CUL5: variants seen among roughly 807,000 people sequenced by gnomAD.
CUL5 encodes the protein cullin 5, also known as cullin-5.
A neutral mutation model predicts 108.8 loss-of-function variants in CUL5; 26 were observed. That is an observed-to-expected ratio of 0.24 (90% CI 0.18 to 0.33). CUL5 has a LOEUF of 0.33. Among genes scored for constraint, CUL5 ranks in the 10% least tolerant of loss-of-function variants. The pLI is 1.00. For missense variants in CUL5, 524 were observed against 909.2 expected (o/e 0.58, Z 5.45); for synonymous variants, 334 against 298.0 (o/e 1.12, Z -1.25).
Position 108,094,484 on chromosome 11 carries a change from A to G in CUL5, c.1537A>G (p.Met513Val). ...SEDLNQAFKEMHKNNKLALPA... is the reference protein window; with the variant it reads ...SEDLNQAFKEVHKNNKLALPA... ...AGATTTGAACCAAGCTTTTAAGGAA[A>G]TGCACAAAAATAATAAATTGGCATT... The change falls in exon 14 of 19, where the codon ATG becomes GTG. Residue 513 changes from methionine (M) to valine (V), a missense_variant. By Grantham distance (21) the Met-to-Val change is conservative. Coordinates refer to ENST00000393094, the MANE Select transcript of CUL5 (RefSeq NM_003478.6). The G allele has an allele frequency of 6.7e-7, 1 of 1,490,286 alleles. No homozygotes were observed. Among genetic ancestry groups the G allele is most frequent in the Non-Finnish European group, 9.2e-7 (1 of 1,084,666 alleles). The allele number at this position is 1,490,286 out of a possible 1,614,324, so 92.3% of individuals were successfully genotyped here. A position where few individuals can be genotyped will look rare whatever the true frequency, so the allele number is the denominator to read the frequency against.
chr11:108,097,988 C>T (rs1472256687), intron 17 of CUL5, among the ~76,000 whole-genome samples: 2 of 152,036 alleles, frequency 1.3e-5, no homozygotes, highest in Admixed American at 6.6e-5. Flanking sequence ...TTTCATCTTT[C>T]AGGTTGATAT....
Position 108,009,274 on chromosome 11 carries a change from C to G in CUL5, c.-75C>G, listed in dbSNP as rs1211125739. 5.7e-6 allele frequency: 9 copies of G among 1,566,004 alleles called. No individual in the cohort carries two copies. Among genetic ancestry groups the G allele is most frequent in the Non-Finnish European group, 7.9e-6 (9 of 1,140,978 alleles). On this transcript the variant is annotated 5_prime_UTR_variant, in exon 1 of 19. Transcript: ENST00000393094. ...CGGGCCCTGGGCCCTGGTGGGAGCT[C>G]CGGCCTCCGGTCAAGGCCTGGCCGG...
intron 1 of CUL5, among the ~76,000 whole-genome samples, chr11:108,025,678 T>C (rs1457423986): frequency 6.6e-6 from 1 of 152,136 alleles, no homozygotes; most frequent in African/African-American, 2.4e-5. Context: ...TCCTTCCTAA[T>C]GGTTCTTTCC....
intron 1 of CUL5, among the ~76,000 whole-genome samples, chr11:108,013,375 A>G (rs1403777555): frequency 1.3e-5 from 2 of 152,216 alleles, no homozygotes; most frequent in African/African-American, 4.8e-5. Flanking sequence ...ATCAAAATGC[A>G]GTTCTCACCA....
At chr11:108,067,421 A>G (rs778159542) in intron 7 of CUL5, among the ~76,000 whole-genome samples, 1 of 152,166 alleles carries the variant, frequency 6.6e-6, no homozygotes, top group African/African-American at 2.4e-5. Flanking sequence ...AATACATTTT[A>G]TATTGTGGCT....
intron 7 of CUL5, among the ~76,000 whole-genome samples, chr11:108,069,875 TAAAG>T (rs1863778926): frequency 6.6e-6 from 1 of 152,226 alleles, no homozygotes; most frequent in Non-Finnish European, 1.5e-5. Flanking sequence ...TTAAAATTTC[TAAAG>T]AGAGTCTAGT....
intron 2 of CUL5, among the ~76,000 whole-genome samples, chr11:108,036,081 A>G (rs1862736120): frequency 6.6e-6 from 1 of 152,208 alleles, no homozygotes; most frequent in African/African-American, 2.4e-5. Context: ...GAAAATCATC[A>G]GCTTCTAAGG....
intron 10 of CUL5, among the ~76,000 whole-genome samples, chr11:108,075,989 A>T (rs764103646): frequency 2.6e-5 from 4 of 152,128 alleles, no homozygotes; most frequent in African/African-American, 9.7e-5. Flanking sequence ...TCTACTTAGC[A>T]TGAATCCAAT....
chr11:108,082,903 A>G (rs1800660378), intron 11 of CUL5, among the ~76,000 whole-genome samples: 1 of 151,496 alleles, frequency 6.6e-6, no homozygotes, highest in African/African-American at 2.4e-5. Flanking sequence ...CCAGAATTAC[A>G]GGCATGAGCT....
chr11:108,051,783 A>G (rs11212496), intron 4 of CUL5, among the ~76,000 whole-genome samples: 3,771 of 152,282 alleles, frequency 0.025, 164 homozygotes, highest in African/African-American at 0.086. Context: ...AAACACACCA[A>G]TATATCTGAA....
intron 11 of CUL5, among the ~76,000 whole-genome samples, chr11:108,078,476 C>T (rs1489376618): frequency 6.6e-6 from 1 of 151,900 alleles, no homozygotes; most frequent in Admixed American, 6.6e-5. Flanking sequence ...TTTAGGATCT[C>T]TACTTGTTTT....
intron 18 of CUL5, among the ~76,000 whole-genome samples, chr11:108,100,768 C>T (rs571592942): frequency 2.0e-5 from 3 of 152,266 alleles, no homozygotes; most frequent in East Asian, 1.9e-4. Flanking sequence ...CGGTGGCTCA[C>T]GCCTGTAATC....
chr11:108,061,080 C>T (rs777673024), intron 7 of CUL5, among the ~76,000 whole-genome samples: 4 of 152,142 alleles, frequency 2.6e-5, no homozygotes, highest in Non-Finnish European at 5.9e-5. Flanking sequence ...AAGTTGTGCT[C>T]ATCTCAGGCA....
At chr11:108,102,255 C>T (rs1333596174) in intron 18 of CUL5, among the ~76,000 whole-genome samples, 1 of 152,062 alleles carries the variant, frequency 6.6e-6, no homozygotes, top group Non-Finnish European at 1.5e-5. Flanking sequence ...ATCTCGAACT[C>T]CTGACTTCGT....
chr11:108,094,277 G>T, intron 13 of CUL5, 114 bp from the exon 14 acceptor site: 1 of 785,442 alleles, frequency 1.3e-6, no homozygotes, highest in South Asian at 2.0e-5. Context: ...TCTAATAAAT[G>T]AGAAAAATTT....
intron 1 of CUL5, among the ~76,000 whole-genome samples, chr11:108,017,714 T>G (rs1383132260): frequency 6.6e-6 from 1 of 152,070 alleles, no homozygotes; most frequent in Non-Finnish European, 1.5e-5. Context: ...TCCAGGCATG[T>G]TAGTGCATGC....
chr11:108,023,412 A>G (rs1053401025), intron 1 of CUL5, among the ~76,000 whole-genome samples: 2 of 152,230 alleles, frequency 1.3e-5, no homozygotes, highest in Admixed American at 6.5e-5. Context: ...TCATATGAGT[A>G]GTTCAGATTT....
intron 2 of CUL5, 40 bp downstream of exon 2, chr11:108,033,951 A>G (rs748180115): frequency 8.3e-7 from 1 of 1,205,648 alleles, no homozygotes; most frequent in Non-Finnish European, 1.2e-6. Flanking sequence ...CATAAAGGAA[A>G]TTTTAGTGAT....
At chr11:108,064,463 A>G (rs1266826857) in intron 7 of CUL5, among the ~76,000 whole-genome samples, 1 of 152,056 alleles carries the variant, frequency 6.6e-6, no homozygotes, top group Non-Finnish European at 1.5e-5. Context: ...ATCCCAGCAC[A>G]TTAGGAGGCC....
Sources: gnomAD v4.1 joint callset for allele counts (sites outside exome capture counted in the v4.1 genomes callset) on GRCh38, gnomAD v4.1.1 for gene constraint, MANE v1.5 for transcripts, NCBI Gene and HGNC (gene_info 2026-07-23, HGNC 2026-07-21) for gene names.